Variants in NCOR1 observed in about 807,000 individuals in gnomAD.
The protein encoded by NCOR1 is nuclear receptor corepressor 1.
NCOR1 carries 63 observed loss-of-function variants against 288.1 expected under a neutral mutation model. The ratio of observed to expected loss-of-function variants is 0.22; its 90% CI spans 0.18 to 0.27. NCOR1 has a LOEUF of 0.27. NCOR1 is among the 10% of genes least tolerant of loss of function. The pLI is 1.00. For missense variants in NCOR1, 2,397 were observed against 3,019.2 expected (o/e 0.79, Z 4.83); for synonymous variants, 1,007 against 1,065.9 (o/e 0.94, Z 1.08).
chr17:16,175,120 G>A (rs983070976), intron 3 of NCOR1, among the ~76,000 whole-genome samples: 20 of 151,850 alleles, frequency 1.3e-4, no homozygotes, highest in African/African-American at 4.8e-4. Context: ...GTAATCCCAA[G>A]ACTTTGGGAG....
rs1026338067 is a variant in NCOR1 at position 16,030,023 on chromosome 17, C to CT, written c.*2272dup. On this transcript the variant is annotated 3_prime_UTR_variant, in exon 46 of 46. Transcript: ENST00000268712. The stretch of plus-strand genomic sequence containing the variant: ...TAAGTAGTCAAAAATCCACATCTAA[C>CT]TTTGACTCCTCCAAAACTTAACTAC... 5 of 171,874 alleles carry CT rather than the reference C, an allele frequency of 2.9e-5. No homozygotes were observed. The highest frequency in any genetic ancestry group is 5.0e-5 in the Non-Finnish European group (4 of 79,424). The allele number at this position is 171,874 out of a possible 1,614,324, so 10.6% of individuals were successfully genotyped here.
rs1407464090 is a variant in NCOR1 at position 16,029,324 on chromosome 17, G to A, written c.*2972C>T. 12 of 440,482 alleles carry A rather than the reference G, an allele frequency of 2.7e-5. No homozygotes were observed. Among genetic ancestry groups the A allele is most frequent in the Non-Finnish European group, 4.5e-5 (10 of 221,412 alleles). 27.3% of individuals were successfully genotyped at this position (440,482 alleles called of 1,614,324 possible). A position where few individuals can be genotyped will look rare whatever the true frequency, so the allele number is the denominator to read the frequency against. ...GTAAAATAAGGTACTGAAGCAAAAGGAGGACTGATCTCCTTTACTGATTGG... is the reference window on the plus strand; with the variant it reads ...GTAAAATAAGGTACTGAAGCAAAAGAAGGACTGATCTCCTTTACTGATTGG... On this transcript the variant is annotated 3_prime_UTR_variant, in exon 46 of 46. Coordinates refer to ENST00000268712, the MANE Select transcript of NCOR1 (RefSeq NM_006311.4).
rs1238672863 is a variant in NCOR1 at position 16,119,608 on chromosome 17, GAA to G, written c.1853-125_1853-124del. 3.2e-5 allele frequency: 18 copies of G among 568,094 alleles called. No individual in the cohort carries two copies. The East Asian group carries it at 5.0e-4, about 16-fold the overall frequency. 35.2% of individuals were successfully genotyped at this position (568,094 alleles called of 1,614,324 possible). ...GACTATGTAAAAGCATTTGGTGAAA[GAA>G]ACTGCAGAAATAGGATAGTAACCTC... On this transcript the variant is annotated intron_variant, in intron 16 of 45. Coordinates refer to ENST00000268712, the MANE Select transcript of NCOR1 (RefSeq NM_006311.4).
chr17:16,048,559 C>A (rs544811161), intron 41 of NCOR1, among the ~76,000 whole-genome samples: 1 of 151,784 alleles, frequency 6.6e-6, no homozygotes, highest in South Asian at 2.1e-4. Flanking sequence ...CAATGGATGA[C>A]CCTTTCCCCT....
Position 16,030,384 on chromosome 17 carries a change from T to C in NCOR1, c.*1912A>G. On this transcript the variant is annotated 3_prime_UTR_variant, in exon 46 of 46. Coordinates refer to ENST00000268712, the MANE Select transcript of NCOR1 (RefSeq NM_006311.4). ...GTTCAAGGGTCAACTGTATTCTGAC[T>C]CAGAATAGCTTAAGACCCTCAGGGT... 1 of 214,954 alleles carries C rather than the reference T, an allele frequency of 4.7e-6. No homozygotes were observed. 13.3% of individuals were successfully genotyped at this position (214,954 alleles called of 1,614,324 possible). A position where few individuals can be genotyped will look rare whatever the true frequency, so the allele number is the denominator to read the frequency against.
chr17:16,079,594 T>C (rs796844032), intron 26 of NCOR1, among the ~76,000 whole-genome samples: 6 of 152,324 alleles, frequency 3.9e-5, no homozygotes, highest in African/African-American at 1.4e-4. Context: ...ATTCTACAAC[T>C]ACATCTCCAC....
intron 37 of NCOR1, among the ~76,000 whole-genome samples, chr17:16,059,049 CAAAAAAAAAA>C (rs57820388): frequency 3.4e-4 from 6 of 17,444 alleles, no homozygotes; most frequent in Non-Finnish European, 4.3e-4. Context: ...AACTCCGTCT[CAAAAAAAAAA>C]AAAAAAAAAA....
chr17:16,100,311 T>C (rs1012535654), intron 20 of NCOR1, among the ~76,000 whole-genome samples: 4 of 152,206 alleles, frequency 2.6e-5, no homozygotes, highest in Non-Finnish European at 4.4e-5. Context: ...ATATGATACA[T>C]TTTTTGTATA....
chr17:16,099,603 A>AT (rs1198287208), intron 20 of NCOR1, among the ~76,000 whole-genome samples: 4 of 152,064 alleles, frequency 2.6e-5, no homozygotes, highest in African/African-American at 4.8e-5. Flanking sequence ...ATCCTACCTA[A>AT]TTTTTCCTTC....
intron 30 of NCOR1, 82 bp from the exon 31 acceptor site, chr17:16,070,607 A>G: frequency 2.6e-6 from 4 of 1,532,440 alleles, no homozygotes; most frequent in Non-Finnish European, 3.5e-6. Flanking sequence ...GGCCCATGGC[A>G]GTTACAGTTC....
In NCOR1 at chr17:16,029,312, C is replaced by T. The variant is rs1407533884; in HGVS notation, c.*2984G>A. 1 of 446,424 alleles carries T rather than the reference C, an allele frequency of 2.2e-6. No individual in the cohort carries two copies. Among genetic ancestry groups the T allele is most frequent in the East Asian group, 7.0e-5 (1 of 14,312 alleles). 27.7% of individuals were successfully genotyped at this position (446,424 alleles called of 1,614,324 possible). ...ATTTACACTGTTGTAAAATAAGGTACTGAAGCAAAAGGAGGACTGATCTCC... is the reference window on the plus strand; with the variant it reads ...ATTTACACTGTTGTAAAATAAGGTATTGAAGCAAAAGGAGGACTGATCTCC... On this transcript the variant is annotated 3_prime_UTR_variant, in exon 46 of 46. Transcript: ENST00000268712.
chr17:16,183,418 C>G (rs1446984969), intron 3 of NCOR1, among the ~76,000 whole-genome samples: 6 of 149,030 alleles, frequency 4.0e-5, no homozygotes, highest in African/African-American at 7.4e-5. Context: ...GATACAAAAT[C>G]AACAGCAGTT....
intron 44 of NCOR1, chr17:16,039,167 G>A (rs2057072832): frequency 4.4e-6 from 2 of 450,692 alleles, no homozygotes; most frequent in South Asian, 5.3e-5. Context: ...AGTATGTATA[G>A]ATGAGGACTA....
chr17:16,077,376 C>G (rs2062623029), intron 26 of NCOR1, among the ~76,000 whole-genome samples: 2 of 148,988 alleles, frequency 1.3e-5, no homozygotes, highest in Admixed American at 1.3e-4. Flanking sequence ...CATGCTCCAG[C>G]CTGGGCAACA....
chr17:16,120,990 T>C (rs2072898270), intron 16 of NCOR1, 62 bp downstream of exon 16: 7 of 1,434,232 alleles, frequency 4.9e-6, no homozygotes, highest in South Asian at 1.2e-5. Flanking sequence ...TACCCTATCC[T>C]AGCAGTGAAA....
At chr17:16,156,894 T>G (rs2079897867) in intron 6 of NCOR1, among the ~76,000 whole-genome samples, 1 of 152,144 alleles carries the variant, frequency 6.6e-6, no homozygotes, top group African/African-American at 2.4e-5. Flanking sequence ...ACTAATATTG[T>G]AAGACAAGGC....
intron 14 of NCOR1, among the ~76,000 whole-genome samples, chr17:16,127,497 A>G (rs144072966): frequency 2.1e-5 from 3 of 144,848 alleles, no homozygotes; most frequent in Admixed American, 1.4e-4. Flanking sequence ...GTATATGTGC[A>G]TGTATATACA....
At chr17:16,189,788 G>A (rs985992077) in intron 2 of NCOR1, among the ~76,000 whole-genome samples, 1 of 152,082 alleles carries the variant, frequency 6.6e-6, no homozygotes, top group Non-Finnish European at 1.5e-5. Context: ...TTTATTATAA[G>A]TTTGATGAAA....
At chr17:16,204,535 T>C (rs1426932696) in intron 1 of NCOR1, among the ~76,000 whole-genome samples, 1 of 152,228 alleles carries the variant, frequency 6.6e-6, no homozygotes, top group Admixed American at 6.5e-5. Flanking sequence ...TATCCTGCGA[T>C]ATACAAGCAA....
Sources: allele counts gnomAD v4.1 joint callset (sites outside exome capture counted in the v4.1 genomes callset), GRCh38; gene constraint gnomAD v4.1.1; transcripts MANE v1.5; gene names NCBI Gene and HGNC (gene_info 2026-07-23, HGNC 2026-07-21).